Variants in FMN1 observed in about 807,000 individuals in gnomAD.
The protein encoded by FMN1 is formin 1, also known as formin-1.
In FMN1, 110 loss-of-function variants were observed where a neutral mutation model predicts 132.4. The ratio of observed to expected loss-of-function variants is 0.83; its 90% confidence interval spans 0.71 to 0.97. The LOEUF (loss-of-function observed/expected upper bound fraction) is 0.97, where lower values mean the gene tolerates loss of function less well. Among genes scored for constraint, FMN1 ranks in the 50% least tolerant of loss-of-function variants. FMN1 has a pLI of 0.00. For synonymous variants in FMN1, 722 were observed against 651.7 expected (o/e 1.11, Z -1.64); for missense variants, 1,792 against 1,705.3 (o/e 1.05, Z -0.90).
intron 5 of FMN1, among the ~76,000 whole-genome samples, chr15:33,073,382 T>C (rs2038073085): frequency 6.6e-6 from 1 of 152,122 alleles, no homozygotes; most frequent in Non-Finnish European, 1.5e-5. Context: ...AAGTAGAAAG[T>C]GTAGTTAAAC....
chr15:33,097,191 G>C lies in FMN1; in HGVS notation c.1868-8217C>G, dbSNP rs573407724. ...CTGCGCCTGTGGTGCCAGCTACTTG[G>C]GAGGCTGAGGTGGGAGGATCACTTG... On this transcript the variant is annotated intron_variant, in intron 4 of 20. Coordinates refer to ENST00000616417, the MANE Select transcript of FMN1 (RefSeq NM_001277313.2). Among the ~76,000 whole-genome samples the C allele has an allele frequency of 3.9e-5, 6 of 152,076 alleles. No homozygotes were observed. The South Asian group carries it at 1.2e-3, about 32-fold the overall frequency.
chr15:32,998,027 C>G (rs144491740), intron 7 of FMN1, among the ~76,000 whole-genome samples: 8 of 152,290 alleles, frequency 5.3e-5, no homozygotes, highest in African/African-American at 1.7e-4. Flanking sequence ...TCTACAGGCT[C>G]CAGGCAATCA....
intron 6 of FMN1, among the ~76,000 whole-genome samples, chr15:33,042,439 T>C (rs1321099260): frequency 6.6e-6 from 1 of 152,054 alleles, no homozygotes; most frequent in South Asian, 2.1e-4. Flanking sequence ...AAACAAAATT[T>C]AGAGGAAAAA....
rs561803892 is a variant in FMN1, at chr15:32,792,048, A to C, written c.4130+6756T>G. On this transcript the variant is annotated intron_variant, in intron 19 of 20. Coordinates refer to ENST00000616417, the MANE Select transcript of FMN1 (RefSeq NM_001277313.2). Reference sequence around the variant, plus strand: ...TTACCTTGGGGAAGGCCCACACTTAAGGAACAGAAGAAACAGAGGAACTAA... The same window carrying C: ...TTACCTTGGGGAAGGCCCACACTTACGGAACAGAAGAAACAGAGGAACTAA... 5.9e-5 allele frequency among the ~76,000 whole-genome samples: 9 copies of C among 152,252 alleles called. 1 individual carries two copies. The highest frequency in any genetic ancestry group is 2.2e-4 in the African/African-American group (9 of 41,554).
At chr15:32,794,984 C>T (rs553496978) in intron 19 of FMN1, among the ~76,000 whole-genome samples, 2 of 152,004 alleles carry the variant, frequency 1.3e-5, no homozygotes, top group African/African-American at 4.8e-5. Flanking sequence ...TTGTTTGAGC[C>T]CAGGAGTTTG....
chr15:33,059,449 T>C (rs1349843506), intron 6 of FMN1, among the ~76,000 whole-genome samples: 12 of 152,208 alleles, frequency 7.9e-5, no homozygotes. Flanking sequence ...GTTCTATTTT[T>C]AGTTTTTTCA....
At chr15:33,068,854 G>T (rs553979306) in intron 5 of FMN1, among the ~76,000 whole-genome samples, 1 of 152,250 alleles carries the variant, frequency 6.6e-6, no homozygotes, top group Non-Finnish European at 1.5e-5. Context: ...CCCAGGCTCC[G>T]CAGGAATGAT....
At chr15:32,924,471 T>C (rs2060908306) in intron 10 of FMN1, among the ~76,000 whole-genome samples, 1 of 152,214 alleles carries the variant, frequency 6.6e-6, no homozygotes, top group Non-Finnish European at 1.5e-5. Context: ...GGTATTCTGC[T>C]GAGTAGCAAA....
At chr15:32,781,526 A>C in intron 19 of FMN1, among the ~76,000 whole-genome samples, 1 of 152,238 alleles carries the variant, frequency 6.6e-6, no homozygotes, top group Non-Finnish European at 1.5e-5. Flanking sequence ...ATGTTCTGAT[A>C]GATTTTATTG....
At chr15:32,948,580 A>T (rs10048026) in intron 9 of FMN1, among the ~76,000 whole-genome samples, 149,639 of 152,102 alleles carry the variant, frequency 0.98, 73,656 homozygotes, top group East Asian at 1. Context: ...CATTCAGGTG[A>T]TCTACTTCTT....
At chr15:33,067,341 C>G in intron 5 of FMN1, 1 of 1,613,980 alleles carries the variant, frequency 6.2e-7, no homozygotes. Flanking sequence ...CCTGGGTTTT[C>G]TTTGGACTCC....
chr15:33,139,515 C>T lies in FMN1; in HGVS notation c.1867+13533G>A, dbSNP rs371513268. 3.0e-4 allele frequency among the ~76,000 whole-genome samples: 45 copies of T among 152,282 alleles called. No individual in the cohort carries two copies. The East Asian group carries it at 8.1e-3, about 27-fold the overall frequency. On this transcript the variant is annotated intron_variant, in intron 4 of 20. Transcript: ENST00000616417. ...CTGAGGCAGGAGAATCACTTGAATC[C>T]GGGAGGTGGAGGTTGCAGTGAGCTG...
chr15:32,985,430 T>C (rs767531674), intron 7 of FMN1, among the ~76,000 whole-genome samples: 2 of 152,166 alleles, frequency 1.3e-5, no homozygotes, highest in Admixed American at 1.3e-4. Context: ...GATGTATCAC[T>C]GTAGCAGGGG....
chr15:33,139,840 T>G (rs1305454557), intron 4 of FMN1, among the ~76,000 whole-genome samples: 1 of 152,134 alleles, frequency 6.6e-6, no homozygotes, highest in Middle Eastern at 3.2e-3. Flanking sequence ...CCTTTTCATC[T>G]TTACTATTTA....
chr15:33,004,449 T>C (rs1363666754), intron 7 of FMN1, among the ~76,000 whole-genome samples: 2 of 152,180 alleles, frequency 1.3e-5, no homozygotes, highest in Non-Finnish European at 2.9e-5. Context: ...ATGCTCACCA[T>C]CACTGGCCAT....
At chr15:33,030,842 C>G (rs2035902904) in intron 6 of FMN1, among the ~76,000 whole-genome samples, 2 of 151,868 alleles carry the variant, frequency 1.3e-5, no homozygotes, top group Non-Finnish European at 1.5e-5. Context: ...TATTAATATA[C>G]TTTAAGTTCT....
At position 32,771,918 on chromosome 15, in the gene FMN1, A is replaced by G. The variant is rs1358033463; in HGVS notation, c.*2392T>C. On this transcript the variant is annotated 3_prime_UTR_variant, in exon 21 of 21. Coordinates refer to ENST00000616417, the MANE Select transcript of FMN1 (RefSeq NM_001277313.2). ...TGTCAGCAACGTGGTACATTGGTGG[A>G]CTTGGGAGGGGGCATCCCAGATACA... 2 of 152,210 alleles carry G rather than the reference A, an allele frequency of 1.3e-5. No homozygotes were observed. The highest frequency in any genetic ancestry group is 2.9e-5 in the Non-Finnish European group (2 of 68,052). 9.4% of individuals were successfully genotyped at this position (152,210 alleles called of 1,614,324 possible).
In FMN1 at chr15:32,910,516, G is replaced by A; in HGVS notation, c.3246C>T (p.Asp1082=). The change falls in exon 11 of 21, where the codon GAC becomes GAT. Residue 1082 remains aspartate (D), a synonymous_variant. Transcript: ENST00000616417. ...DIQQAIFNVD[D]SVVDLETLAA... is the part of the protein sequence containing the mutation. ...CCAGGGTCTCCAGATCAACCACGGA[G>A]TCATCCACATTGAAAATGGCTGCCA... The A allele has an allele frequency of 1.3e-6, 2 of 1,576,634 alleles. No individual in the cohort carries two copies. The highest frequency in any genetic ancestry group is 1.2e-5 in the South Asian group (1 of 85,558).
intron 10 of FMN1, among the ~76,000 whole-genome samples, chr15:32,911,062 A>C (rs2060549910): frequency 6.6e-6 from 1 of 152,250 alleles, no homozygotes; most frequent in South Asian, 2.1e-4. Context: ...AATTGCATCA[A>C]TAGCAAATTA....
Sources: allele counts gnomAD v4.1 joint callset (sites outside exome capture counted in the v4.1 genomes callset), GRCh38; gene constraint gnomAD v4.1.1; transcripts MANE v1.5; gene names NCBI Gene and HGNC (gene_info 2026-07-23, HGNC 2026-07-21).